IGF1R: variants seen among roughly 807,000 people sequenced by gnomAD.
The protein encoded by IGF1R is insulin like growth factor 1 receptor.
Under a neutral mutation model 144.6 loss-of-function variants are expected in IGF1R, and 44 were observed. The observed-to-expected ratio is 0.30, with a 90% CI of 0.24 to 0.39. The LOEUF is 0.39. Ranked by LOEUF, IGF1R falls within the 10% of genes least tolerant of loss-of-function variation. The pLI is 1.00. For missense variants in IGF1R, 1,355 were observed against 1,833.7 expected (o/e 0.74, Z 4.77); for synonymous variants, 795 against 722.8 (o/e 1.10, Z -1.60).
chr15:98,719,137 T>C (rs908120281), intron 2 of IGF1R, among the ~76,000 whole-genome samples: 3 of 152,254 alleles, frequency 2.0e-5, no homozygotes, highest in African/African-American at 7.2e-5. Context: ...ATACTACTTT[T>C]AGAAGCTTTT....
At chr15:98,723,470 A>G (rs1363680069) in intron 2 of IGF1R, among the ~76,000 whole-genome samples, 2 of 152,262 alleles carry the variant, frequency 1.3e-5, no homozygotes, top group Non-Finnish European at 2.9e-5. Context: ...GCAGAGGGAA[A>G]TATTAAATTG....
intron 2 of IGF1R, among the ~76,000 whole-genome samples, chr15:98,738,779 G>A (rs527249838): frequency 5.8e-4 from 89 of 152,232 alleles, no homozygotes; most frequent in Admixed American, 1.2e-3. Flanking sequence ...ACAGTTTGCC[G>A]GTCATTTCCC....
chr15:98,703,229 G>A (rs774530443), intron 1 of IGF1R, among the ~76,000 whole-genome samples: 2 of 152,072 alleles, frequency 1.3e-5, no homozygotes, highest in East Asian at 3.9e-4. Flanking sequence ...TGCCAATATC[G>A]GTTGCTTTGA....
intron 2 of IGF1R, among the ~76,000 whole-genome samples, chr15:98,770,383 TTAGA>T (rs958835707): frequency 6.6e-6 from 1 of 152,178 alleles, no homozygotes. Context: ...AAACATTCAG[TTAGA>T]TAGAGGGAAT....
At chr15:98,661,781 A>G (rs2052603860) in intron 1 of IGF1R, among the ~76,000 whole-genome samples, 1 of 152,136 alleles carries the variant, frequency 6.6e-6, no homozygotes, top group Non-Finnish European at 1.5e-5. Flanking sequence ...AGAATTAGCA[A>G]TAGATAATGT....
At chr15:98,932,517 A>G (rs1000366045) in intron 15 of IGF1R, among the ~76,000 whole-genome samples, 2 of 152,186 alleles carry the variant, frequency 1.3e-5, no homozygotes, top group African/African-American at 4.8e-5. Flanking sequence ...GATTGAGCGT[A>G]TTGACTTCAG....
At chr15:98,730,237 T>A (rs977194931) in intron 2 of IGF1R, among the ~76,000 whole-genome samples, 2 of 152,160 alleles carry the variant, frequency 1.3e-5, no homozygotes, top group Non-Finnish European at 2.9e-5. Context: ...TTTTCAATTT[T>A]TTTTTTTTTA....
chr15:98,885,022 ACT>A (rs2013570005), intron 2 of IGF1R, among the ~76,000 whole-genome samples: 1 of 151,038 alleles, frequency 6.6e-6, no homozygotes, highest in South Asian at 2.1e-4. Flanking sequence ...CTTGGCCCGC[ACT>A]CTCTGTTGGC....
chr15:98,936,076 T>G (rs1409779396), intron 17 of IGF1R, among the ~76,000 whole-genome samples: 1 of 152,096 alleles, frequency 6.6e-6, no homozygotes, highest in Non-Finnish European at 1.5e-5. Context: ...ATAAACCCCC[T>G]CCCCACACAC....
intron 2 of IGF1R, among the ~76,000 whole-genome samples, chr15:98,731,202 A>C (rs989519641): frequency 6.6e-6 from 1 of 152,134 alleles, no homozygotes; most frequent in Admixed American, 6.5e-5. Context: ...GATATGGCTA[A>C]CTCTGGGCCC....
intron 1 of IGF1R, among the ~76,000 whole-genome samples, chr15:98,700,800 G>C (rs901733258): frequency 2.6e-5 from 4 of 152,070 alleles, no homozygotes; most frequent in African/African-American, 2.4e-5. Flanking sequence ...TTCCTGGCAA[G>C]ACCCTGCTCA....
chr15:98,782,003 A>G (rs563629264), intron 2 of IGF1R, among the ~76,000 whole-genome samples: 1 of 151,824 alleles, frequency 6.6e-6, no homozygotes, highest in Admixed American at 6.6e-5. Flanking sequence ...CCTCCTATTG[A>G]TTTTTTTTGA....
chr15:98,851,607 C>T (rs796693222), intron 2 of IGF1R, among the ~76,000 whole-genome samples: 139 of 152,268 alleles, frequency 9.1e-4, no homozygotes, highest in African/African-American at 2.9e-3. Flanking sequence ...AGAGGCATCC[C>T]CAGGTGCTGC....
chr15:98,801,829 C>T (rs2056370332), intron 2 of IGF1R, among the ~76,000 whole-genome samples: 2 of 152,348 alleles, frequency 1.3e-5, no homozygotes, highest in South Asian at 2.1e-4. Flanking sequence ...CTCCCAGCCC[C>T]CATCCCCGTG....
rs1038509138 is a variant in IGF1R, at chr15:98,830,622, T to C, written c.641-60703T>C. On this transcript the variant is annotated intron_variant, in intron 2 of 20. Coordinates refer to ENST00000650285, the MANE Select transcript of IGF1R (RefSeq NM_000875.5). ...ATCATCATCTTTTTTTTTTTTTTTT[T>C]AGATGGAGTCTCATTCTGTCACCCA... is the stretch of plus-strand genomic sequence containing the variant. 2.0e-5 allele frequency among the ~76,000 whole-genome samples: 3 copies of C among 150,942 alleles called. No individual in the cohort carries two copies. In the East Asian group the frequency reaches 5.8e-4, roughly 29 times the overall value.
rs549205761 is a variant in IGF1R at position 98,885,848 on chromosome 15, T to C, written c.641-5477T>C. On this transcript the variant is annotated intron_variant, in intron 2 of 20. Coordinates refer to ENST00000650285, the MANE Select transcript of IGF1R (RefSeq NM_000875.5). ...TTTTTTTTTTGGAGATAGAGTTTTG[T>C]TCTTGTCCCTCAGGCTGGAGTAAAA... Among the ~76,000 whole-genome samples, 16 of 151,486 alleles carry C rather than the reference T, an allele frequency of 1.1e-4. 1 individual carries two copies. Among genetic ancestry groups the C allele is most frequent in the African/African-American group, 2.7e-4 (11 of 41,204 alleles).
At chr15:98,821,786 G>A (rs2056808479) in intron 2 of IGF1R, among the ~76,000 whole-genome samples, 1 of 152,188 alleles carries the variant, frequency 6.6e-6, no homozygotes, top group Non-Finnish European at 1.5e-5. Flanking sequence ...GGGCTCAGGA[G>A]CCAAGACTAG....
chr15:98,936,970 C>T (rs1421742135), intron 17 of IGF1R, among the ~76,000 whole-genome samples: 1 of 152,196 alleles, frequency 6.6e-6, no homozygotes, highest in Middle Eastern at 3.2e-3. Context: ...ACTGCAACCT[C>T]CACCACCTGG....
chr15:98,849,388 C>T (rs1191279851), intron 2 of IGF1R, among the ~76,000 whole-genome samples: 1 of 152,160 alleles, frequency 6.6e-6, no homozygotes, highest in Admixed American at 6.5e-5. Flanking sequence ...TAGGTTCATA[C>T]ATTATACCAT....
Sources: allele counts gnomAD v4.1 joint callset (sites outside exome capture counted in the v4.1 genomes callset), GRCh38; gene constraint gnomAD v4.1.1; transcripts MANE v1.5; gene names NCBI Gene and HGNC (gene_info 2026-07-23, HGNC 2026-07-21).